CORIN: variants seen among roughly 807,000 people sequenced by gnomAD.
CORIN encodes atrial natriuretic peptide-converting enzyme.
Under a neutral mutation model 125.3 loss-of-function variants are expected in CORIN, and 117 were observed. The ratio of observed to expected loss-of-function variants is 0.93; its 90% confidence interval spans 0.80 to 1.09. The LOEUF (loss-of-function observed/expected upper bound fraction) is 1.09, where lower values mean the gene tolerates loss of function less well. Ranked by LOEUF, CORIN falls within the 50% of genes least tolerant of loss-of-function variation. The pLI, the probability that CORIN is intolerant of heterozygous loss-of-function variation, is 0.00. For missense variants in CORIN, 1,253 were observed against 1,306.7 expected, an observed-to-expected ratio of 0.96 and a Z score of 0.63; for synonymous variants, 450 against 466.4, an observed-to-expected ratio of 0.96 and a Z score of 0.45.
intron 4 of CORIN, among the ~76,000 whole-genome samples, chr4:47,756,085 T>A (rs1474495109): frequency 6.6e-6 from 1 of 152,208 alleles, no homozygotes; most frequent in East Asian, 1.9e-4. Flanking sequence ...AAAGGGGTTA[T>A]AACTGTGCCA....
chr4:47,787,114 G>GT (rs976162305), intron 2 of CORIN, among the ~76,000 whole-genome samples, 189 bp from the exon 3 acceptor site: 9 of 152,116 alleles, frequency 5.9e-5, no homozygotes, highest in African/African-American at 2.2e-4. Flanking sequence ...AAAACCAAGA[G>GT]TTTCTCTTCT....
chr4:47,614,573 A>T (rs1722002174), intron 19 of CORIN, among the ~76,000 whole-genome samples: 1 of 152,202 alleles, frequency 6.6e-6, no homozygotes, highest in East Asian at 1.9e-4. Context: ...TGTGATGAAA[A>T]CATACAGGTG....
At chr4:47,761,511 A>C (rs1295878788) in intron 4 of CORIN, among the ~76,000 whole-genome samples, 1 of 150,844 alleles carries the variant, frequency 6.6e-6, no homozygotes, top group African/African-American at 2.4e-5. Context: ...ACACACACAT[A>C]TACACAATGG....
intron 1 of CORIN, among the ~76,000 whole-genome samples, chr4:47,817,017 C>A (rs182648087): frequency 2.0e-5 from 3 of 152,288 alleles, no homozygotes; most frequent in Admixed American, 2.0e-4. Flanking sequence ...ATACAAGGCA[C>A]AGCCCTAAGT....
At chr4:47,725,147 C>A (rs1727531249) in intron 5 of CORIN, among the ~76,000 whole-genome samples, 1 of 152,050 alleles carries the variant, frequency 6.6e-6, no homozygotes. Context: ...AAATGATAAA[C>A]CAAGTTCATG....
chr4:47,744,317 T>C (rs1287028077), intron 5 of CORIN, 85 bp downstream of exon 5: 2 of 1,254,204 alleles, frequency 1.6e-6, no homozygotes, highest in South Asian at 1.4e-5. Flanking sequence ...TATCAGACTG[T>C]ACACTTATTA....
At chr4:47,642,868 T>C in intron 15 of CORIN, 1 of 1,453,038 alleles carries the variant, frequency 6.9e-7, no homozygotes, top group Non-Finnish European at 9.0e-7. Flanking sequence ...TAATGAAGAG[T>C]TTTTAAATCC....
Position 47,744,597 on chromosome 4 carries a change from A to AT in CORIN, c.618-15_618-14insA. ...AGGAGTCCATGACTAAAAAAAAAAA[A>AT]AGAGAAAGGTGAAAATTAGTGTCTT... On this transcript the variant is annotated splice_polypyrimidine_tract_variant and intron_variant, in intron 4 of 21. Coordinates refer to ENST00000273857, the MANE Select transcript of CORIN (RefSeq NM_006587.4). 6.4e-7 allele frequency: 1 copy of AT among 1,552,358 alleles called. No individual in the cohort carries two copies. Among genetic ancestry groups the AT allele is most frequent in the Non-Finnish European group, 8.7e-7 (1 of 1,152,754 alleles).
intron 5 of CORIN, among the ~76,000 whole-genome samples, chr4:47,729,788 CG>C: frequency 6.6e-6 from 1 of 152,224 alleles, no homozygotes; most frequent in East Asian, 1.9e-4. Context: ...AAGACCTTAG[CG>C]CGCACACACA....
intron 11 of CORIN, among the ~76,000 whole-genome samples, chr4:47,664,042 T>G (rs1724363454): frequency 6.6e-6 from 1 of 152,212 alleles, no homozygotes; most frequent in African/African-American, 2.4e-5. Flanking sequence ...ATAGTACTGC[T>G]TTTTAAAAAA....
At chr4:47,746,398 AT>A (rs1728665968) in intron 4 of CORIN, among the ~76,000 whole-genome samples, 1 of 152,164 alleles carries the variant, frequency 6.6e-6, no homozygotes, top group South Asian at 2.1e-4. Flanking sequence ...CAAATAAGAC[AT>A]TTGTCCAAGT....
intron 3 of CORIN, among the ~76,000 whole-genome samples, chr4:47,784,824 A>G (rs1446141687): frequency 6.6e-6 from 1 of 152,244 alleles, no homozygotes; most frequent in African/African-American, 2.4e-5. Flanking sequence ...ACTGTCAGGT[A>G]ATGAACCCAA....
chr4:47,715,512 T>C (rs954890871), intron 5 of CORIN, among the ~76,000 whole-genome samples: 7 of 152,064 alleles, frequency 4.6e-5, no homozygotes, highest in African/African-American at 7.2e-5. Flanking sequence ...GGCTGAGGCC[T>C]GAGAATTGCT....
At chr4:47,736,148 G>A (rs1042390248) in intron 5 of CORIN, among the ~76,000 whole-genome samples, 2 of 152,000 alleles carry the variant, frequency 1.3e-5, no homozygotes, top group African/African-American at 4.8e-5. Context: ...TAAAACAGGA[G>A]AAAATGTAGT....
At chr4:47,733,607 A>G (rs1245805781) in intron 5 of CORIN, among the ~76,000 whole-genome samples, 1 of 152,234 alleles carries the variant, frequency 6.6e-6, no homozygotes, top group African/African-American at 2.4e-5. Flanking sequence ...TTTAAAATCA[A>G]CTTTCCATAT....
chr4:47,683,822 C>G lies in CORIN; in HGVS notation c.930G>C (p.Leu310=), dbSNP rs909815119. ...GGCACTTGCCTGTGTGACAGTGAAA[C>G]AGATTCTCGCTGCAGTCTGCAAATA... The part of the protein sequence containing the change: ...DEAHCNCSEN[L]FHCHTGKCLN... Residue 310 remains leucine, a synonymous_variant, in exon 7 of 22, where the codon CTG becomes CTC. Transcript: ENST00000273857. 1 of 1,612,732 alleles carries G rather than the reference C, an allele frequency of 6.2e-7. No homozygotes were observed. Among genetic ancestry groups the G allele is most frequent in the Non-Finnish European group, 8.5e-7 (1 of 1,179,456 alleles).
intron 5 of CORIN, among the ~76,000 whole-genome samples, chr4:47,743,206 A>AG (rs1728496399): frequency 6.6e-6 from 1 of 152,020 alleles, no homozygotes; most frequent in Non-Finnish European, 1.5e-5. Flanking sequence ...AGAAAAAAAA[A>AG]ACACAAAAGA....
intron 3 of CORIN, among the ~76,000 whole-genome samples, chr4:47,776,361 C>T (rs1357881669): frequency 6.6e-6 from 1 of 150,982 alleles, no homozygotes; most frequent in African/African-American, 2.4e-5. Flanking sequence ...TCTCGGCTCA[C>T]TTGAACTTCA....
At chr4:47,754,262 A>G (rs1404428814) in intron 4 of CORIN, among the ~76,000 whole-genome samples, 1 of 152,184 alleles carries the variant, frequency 6.6e-6, no homozygotes, top group African/African-American at 2.4e-5. Context: ...GCATAATGCC[A>G]AAAAAGCAAC....
Sources: allele counts gnomAD v4.1 joint callset (sites outside exome capture counted in the v4.1 genomes callset), GRCh38; gene constraint gnomAD v4.1.1; transcripts MANE v1.5; gene names NCBI Gene and HGNC (gene_info 2026-07-23, HGNC 2026-07-21).